Variants in SLCO1B1 observed in about 807,000 individuals in gnomAD.
SLCO1B1 encodes OATP-2.
In SLCO1B1, 81 loss-of-function variants were observed where a neutral mutation model predicts 70.1. The ratio of observed to expected loss-of-function variants is 1.16; its 90% confidence interval spans 0.97 to 1.39. The LOEUF (loss-of-function observed/expected upper bound fraction) is 1.39. Among genes scored for constraint, SLCO1B1 ranks in the 40% most tolerant of loss-of-function variants. The probability of loss-of-function intolerance (pLI) is 0.00; values close to 1 mark genes in which losing one functional copy is unlikely to be tolerated. For synonymous variants in SLCO1B1, 283 were observed against 271.5 expected, an observed-to-expected ratio of 1.04 and a Z score of -0.42; for missense variants, 895 against 799.6, an observed-to-expected ratio of 1.12 and a Z score of -1.44.
chr12:21,164,873 A>C (rs1031517489), intron 2 of SLCO1B1: 1 of 479,880 alleles, frequency 2.1e-6, no homozygotes, highest in African/African-American at 2.0e-5. Flanking sequence ...TATGGCAATT[A>C]TAAAACTCAA....
chr12:21,177,141 G>T lies in SLCO1B1; in HGVS notation c.481+244G>T, dbSNP rs1940832491. 3.9e-5 allele frequency among the ~76,000 whole-genome samples: 6 copies of T among 152,164 alleles called. No individual in the cohort carries two copies. In the South Asian group the frequency reaches 1.2e-3, roughly 32 times the overall value. On this transcript the variant is annotated intron_variant, in intron 5 of 14. Transcript: ENST00000256958. ...TCTGAACTGGATGATAAACCTGCCG[G>T]TAAGAATATCTGACATTTTCTATAT...
intron 14 of SLCO1B1, among the ~76,000 whole-genome samples, chr12:21,225,616 T>C (rs1941474861): frequency 6.6e-6 from 1 of 152,200 alleles, no homozygotes; most frequent in South Asian, 2.1e-4. Flanking sequence ...CATTAAACTT[T>C]GAAAAGGAAA....
intron 2 of SLCO1B1, among the ~76,000 whole-genome samples, chr12:21,168,445 A>G (rs1330064679): frequency 1.3e-5 from 2 of 152,074 alleles, no homozygotes; most frequent in African/African-American, 4.8e-5. Flanking sequence ...TTGTATGGTG[A>G]TTCTATTGTT....
At chr12:21,157,233 T>G (rs1940554468) in intron 2 of SLCO1B1, among the ~76,000 whole-genome samples, 1 of 152,172 alleles carries the variant, frequency 6.6e-6, no homozygotes, top group African/African-American at 2.4e-5. Flanking sequence ...ACCTTCACTT[T>G]TATTGTATCA....
intron 14 of SLCO1B1, among the ~76,000 whole-genome samples, chr12:21,226,181 A>G (rs7965941): frequency 0.34 from 51,693 of 151,958 alleles, 9,144 homozygotes; most frequent in East Asian, 0.45. Context: ...TTGGGAGGCC[A>G]AGGTGGGAGG....
At chr12:21,188,256 G>T (rs1383293486) in intron 7 of SLCO1B1, among the ~76,000 whole-genome samples, 1 of 151,738 alleles carries the variant, frequency 6.6e-6, no homozygotes, top group Non-Finnish European at 1.5e-5. Flanking sequence ...GTGAAAGCAA[G>T]ACCAGTGCCT....
intron 9 of SLCO1B1, 78 bp from the exon 10 acceptor site, chr12:21,202,411 TTG>T: frequency 1.1e-6 from 1 of 885,498 alleles, no homozygotes. Context: ...ATAAATTTGA[TTG>T]ACATACATTG....
chr12:21,187,767 G>A (rs765982216), intron 7 of SLCO1B1, among the ~76,000 whole-genome samples: 2 of 152,086 alleles, frequency 1.3e-5, no homozygotes, highest in Non-Finnish European at 2.9e-5. Context: ...TTAACAACAT[G>A]GCCAATCAAG....
chr12:21,215,165 T>C (rs1245681551), intron 11 of SLCO1B1, among the ~76,000 whole-genome samples: 1 of 152,194 alleles, frequency 6.6e-6, no homozygotes, highest in African/African-American at 2.4e-5. Flanking sequence ...TGTCAGTGTT[T>C]TATTTCTGTC....
intron 2 of SLCO1B1, 54 bp from the exon 3 acceptor site, chr12:21,172,596 A>G: frequency 6.3e-7 from 1 of 1,581,010 alleles, no homozygotes; most frequent in Non-Finnish European, 8.7e-7. Flanking sequence ...GCCTATTGAC[A>G]TTATATAGTC....
intron 11 of SLCO1B1, among the ~76,000 whole-genome samples, chr12:21,214,252 G>A (rs1215200946): frequency 3.3e-5 from 5 of 151,896 alleles, no homozygotes; most frequent in Non-Finnish European, 5.9e-5. Flanking sequence ...TGTGGATGTC[G>A]TTTCTGTTTG....
chr12:21,148,943 C>T (rs1037426798), intron 2 of SLCO1B1, among the ~76,000 whole-genome samples: 6 of 152,032 alleles, frequency 3.9e-5, no homozygotes, highest in African/African-American at 9.7e-5. Flanking sequence ...CCTCACACCC[C>T]TTGTAAGTTG....
rs893522956 is a variant in SLCO1B1 at position 21,200,524 on chromosome 12, T to C, written c.987T>C (p.Phe329=). ...TKNVTGFFQS[F]KSILTNPLYV... ...ATTTTACAGGTTTTTTCCAGTCTTT[T>C]AAAAGCATCCTTACTAATCCCCTGT... Residue 329 remains phenylalanine, a synonymous_variant, in exon 9 of 15, where the codon TTT becomes TTC. Coordinates refer to ENST00000256958, the MANE Select transcript of SLCO1B1 (RefSeq NM_006446.5). 1.3e-6 allele frequency: 2 copies of C among 1,576,156 alleles called. No individual in the cohort carries two copies. Among genetic ancestry groups the C allele is most frequent in the African/African-American group, 1.4e-5 (1 of 73,760 alleles).
chr12:21,166,818 T>A (rs969215183), intron 2 of SLCO1B1, among the ~76,000 whole-genome samples: 2 of 152,194 alleles, frequency 1.3e-5, no homozygotes, highest in African/African-American at 2.4e-5. Flanking sequence ...GTGGAAAGCA[T>A]GTCTACACAA....
chr12:21,176,339 T>C (rs1430010690), intron 4 of SLCO1B1, among the ~76,000 whole-genome samples: 1 of 152,164 alleles, frequency 6.6e-6, no homozygotes, highest in Non-Finnish European at 1.5e-5. Flanking sequence ...TTAGATTTTA[T>C]TTTTACTACA....
chr12:21,165,908 G>A (rs547467720), intron 2 of SLCO1B1, among the ~76,000 whole-genome samples: 6 of 152,040 alleles, frequency 3.9e-5, no homozygotes, highest in African/African-American at 1.4e-4. Context: ...AGTCTGAACT[G>A]ACTTAGACAA....
chr12:21,184,276 A>G (rs1266988555), intron 7 of SLCO1B1, among the ~76,000 whole-genome samples: 1 of 152,164 alleles, frequency 6.6e-6, no homozygotes, highest in African/African-American at 2.4e-5. Flanking sequence ...TATAAAGATG[A>G]CAATCCCCAA....
chr12:21,177,103 C>T (rs1373644037), intron 5 of SLCO1B1, among the ~76,000 whole-genome samples: 1 of 152,094 alleles, frequency 6.6e-6, no homozygotes, highest in Non-Finnish European at 1.5e-5. Flanking sequence ...CACTTCTATG[C>T]AAATTTTGTC....
intron 2 of SLCO1B1, among the ~76,000 whole-genome samples, chr12:21,156,441 A>G (rs2121069243): frequency 6.6e-6 from 1 of 152,254 alleles, no homozygotes; most frequent in Non-Finnish European, 1.5e-5. Flanking sequence ...AACTTATACA[A>G]TTTGCCTGAA....
Sources: gnomAD v4.1 joint callset for allele counts (sites outside exome capture counted in the v4.1 genomes callset) on GRCh38, gnomAD v4.1.1 for gene constraint, MANE v1.5 for transcripts, NCBI Gene and HGNC (gene_info 2026-07-23, HGNC 2026-07-21) for gene names.